PTPRD: variants seen among roughly 807,000 people sequenced by gnomAD.
PTPRD encodes protein tyrosine phosphatase receptor type D, also known as receptor-type tyrosine-protein phosphatase delta.
In PTPRD, 34 loss-of-function variants were observed where a neutral mutation model predicts 214.5. That is an observed-to-expected ratio of 0.16 (90% CI 0.12 to 0.21). The LOEUF (loss-of-function observed/expected upper bound fraction) is 0.21, where lower values mean the gene tolerates loss of function less well. PTPRD is among the 10% of genes least tolerant of loss of function. PTPRD has a pLI of 1.00. For missense variants in PTPRD, 2,545 were observed against 2,398.7 expected (o/e 1.06, Z -1.27); for synonymous variants, 1,128 against 845.7 (o/e 1.33, Z -5.79).
intron 9 of PTPRD, among the ~76,000 whole-genome samples, chr9:9,270,764 TC>T: frequency 6.6e-6 from 1 of 151,534 alleles, no homozygotes; most frequent in African/African-American, 2.4e-5. Context: ...CATGATGGTA[TC>T]TTTAGATGAT....
chr9:8,353,091 C>T (rs1034368626), intron 39 of PTPRD, among the ~76,000 whole-genome samples: 1 of 152,034 alleles, frequency 6.6e-6, no homozygotes, highest in African/African-American at 2.4e-5. Flanking sequence ...AGCCTGGCGA[C>T]AGAACAAGAC....
intron 11 of PTPRD, among the ~76,000 whole-genome samples, chr9:8,951,073 T>C (rs1268723736): frequency 6.6e-6 from 1 of 152,012 alleles, no homozygotes; most frequent in African/African-American, 2.4e-5. Context: ...AATGTGAATA[T>C]TATCTTTCTT....
chr9:8,793,781 G>C (rs868184606), intron 11 of PTPRD, among the ~76,000 whole-genome samples: 1 of 150,648 alleles, frequency 6.6e-6, no homozygotes, highest in African/African-American at 2.4e-5. Context: ...TATTAGAACA[G>C]AAAAAAAAAC....
chr9:9,797,565 G>C (rs1211005082), intron 5 of PTPRD, among the ~76,000 whole-genome samples: 1 of 152,124 alleles, frequency 6.6e-6, no homozygotes, highest in East Asian at 1.9e-4. Context: ...CTTCTGTCAG[G>C]TCGTGCATGG....
chr9:9,592,536 T>G (rs2092837647), intron 7 of PTPRD, among the ~76,000 whole-genome samples: 1 of 151,974 alleles, frequency 6.6e-6, no homozygotes, highest in Non-Finnish European at 1.5e-5. Context: ...TTATTTAATT[T>G]GGGAGAGGAT....
At chr9:10,249,343 A>G (rs2092555392) in intron 3 of PTPRD, among the ~76,000 whole-genome samples, 1 of 152,150 alleles carries the variant, frequency 6.6e-6, no homozygotes, top group African/African-American at 2.4e-5. Flanking sequence ...ATTTTTTTCC[A>G]TGAGTAACAG....
intron 3 of PTPRD, among the ~76,000 whole-genome samples, chr9:10,078,962 A>G (rs1413684120): frequency 2.0e-5 from 3 of 151,984 alleles, no homozygotes; most frequent in Admixed American, 6.6e-5. Flanking sequence ...GCTTAAATCT[A>G]CTTTCAATCG....
intron 2 of PTPRD, among the ~76,000 whole-genome samples, chr9:10,593,275 C>T (rs868856193): frequency 6.6e-6 from 1 of 151,890 alleles, no homozygotes; most frequent in South Asian, 2.1e-4. Context: ...TTTTGCATTT[C>T]GAACAAGCTC....
intron 28 of PTPRD, 57 bp from the exon 29 acceptor site, chr9:8,485,381 C>T (rs2135873326): frequency 8.0e-7 from 1 of 1,249,240 alleles, no homozygotes; most frequent in South Asian, 1.3e-5. Flanking sequence ...ATGACCTGTC[C>T]TTTCCACCAT....
In PTPRD at chr9:8,747,887, C is replaced by A. The variant is rs572148236; in HGVS notation, c.-103-13941G>T. ...TGTGCCAAAGAAGTAATCCCCTGCA[C>A]TGCAGGCCATACATTTCAATCCCTG... is the stretch of plus-strand genomic sequence containing the variant. On this transcript the variant is annotated intron_variant, in intron 11 of 45. Coordinates refer to ENST00000381196, the MANE Select transcript of PTPRD (RefSeq NM_002839.4). Among the ~76,000 whole-genome samples, 131 of 152,324 alleles carry A rather than the reference C, an allele frequency of 8.6e-4. 1 individual carries two copies. Among genetic ancestry groups the A allele is most frequent in the Non-Finnish European group, 1.5e-4 (10 of 68,036 alleles).
At chr9:9,528,163 G>C (rs897500028) in intron 8 of PTPRD, among the ~76,000 whole-genome samples, 8 of 152,202 alleles carry the variant, frequency 5.3e-5, no homozygotes, top group African/African-American at 1.7e-4. Context: ...AAGCTGCAGA[G>C]AGAGATAATT....
At chr9:9,585,883 T>C (rs564257599) in intron 7 of PTPRD, among the ~76,000 whole-genome samples, 12 of 152,074 alleles carry the variant, frequency 7.9e-5, no homozygotes, top group African/African-American at 2.4e-4. Context: ...TGTGTTCTGA[T>C]TGGAGATAAA....
chr9:9,078,472 G>C (rs2099754261), intron 10 of PTPRD, among the ~76,000 whole-genome samples: 1 of 152,094 alleles, frequency 6.6e-6, no homozygotes, highest in Non-Finnish European at 1.5e-5. Flanking sequence ...GGCTGACCAA[G>C]TTCTTAAAAC....
intron 3 of PTPRD, among the ~76,000 whole-genome samples, chr9:10,279,724 C>G (rs117893307): frequency 6.8e-6 from 1 of 146,986 alleles, no homozygotes; most frequent in African/African-American, 2.5e-5. Flanking sequence ...AAAAAAAAAG[C>G]CTTTCCTCTG....
chr9:8,489,506 G>A (rs908188658), intron 27 of PTPRD, among the ~76,000 whole-genome samples: 1 of 152,132 alleles, frequency 6.6e-6, no homozygotes, highest in African/African-American at 2.4e-5. Flanking sequence ...AAAGCATAAA[G>A]GAAGGACTCA....
intron 14 of PTPRD, among the ~76,000 whole-genome samples, chr9:8,568,400 T>G (rs190112259): frequency 6.6e-6 from 1 of 152,230 alleles, no homozygotes; most frequent in East Asian, 1.9e-4. Context: ...AGCAATGACT[T>G]AGCCATCATC....
At chr9:8,429,857 C>T (rs899944904) in intron 35 of PTPRD, among the ~76,000 whole-genome samples, 2 of 152,146 alleles carry the variant, frequency 1.3e-5, no homozygotes, top group Non-Finnish European at 2.9e-5. Flanking sequence ...AGTTTCTTGT[C>T]CCTCTCCAAT....
chr9:9,707,924 T>C (rs545559201), intron 7 of PTPRD, among the ~76,000 whole-genome samples: 17 of 152,028 alleles, frequency 1.1e-4, no homozygotes, highest in Non-Finnish European at 2.1e-4. Context: ...TTGTAACTTT[T>C]TACTTCTCAT....
At chr9:8,849,162 C>CA (rs997684190) in intron 11 of PTPRD, among the ~76,000 whole-genome samples, 34 of 140,030 alleles carry the variant, frequency 2.4e-4, no homozygotes, top group African/African-American at 6.4e-4. Context: ...CTACTCAACT[C>CA]AAAAAAAAAT....
Sources: allele counts gnomAD v4.1 joint callset (sites outside exome capture counted in the v4.1 genomes callset), GRCh38; gene constraint gnomAD v4.1.1; transcripts MANE v1.5; gene names NCBI Gene and HGNC (gene_info 2026-07-23, HGNC 2026-07-21).